GRK3: variants seen among roughly 807,000 people sequenced by gnomAD.
GRK3 encodes the protein adrenergic, beta, receptor kinase 2.
GRK3 carries 54 observed loss-of-function variants against 95.7 expected under a neutral mutation model. That is an observed-to-expected ratio of 0.56 (90% CI 0.45 to 0.71). The LOEUF (loss-of-function observed/expected upper bound fraction) is 0.71. Ranked by LOEUF, GRK3 falls within the 30% of genes least tolerant of loss-of-function variation. The probability of loss-of-function intolerance (pLI) is 0.00; values close to 1 mark genes in which losing one functional copy is unlikely to be tolerated. For missense variants in GRK3, 649 were observed against 851.2 expected, an observed-to-expected ratio of 0.76 and a Z score of 2.96; for synonymous variants, 281 against 290.8, an observed-to-expected ratio of 0.97 and a Z score of 0.34.
At position 25,591,440 on chromosome 22, in the gene GRK3, C is replaced by G. The variant is rs1241146644; in HGVS notation, c.114-12937C>G. ...TGGGTGTTGGTGACAGAACTCAATC[C>G]CCAGCCTCCCTGAGGTCAGGGGATA... On this transcript the variant is annotated intron_variant, in intron 1 of 20. Coordinates refer to ENST00000324198, the MANE Select transcript of GRK3 (RefSeq NM_005160.4). 2.0e-5 allele frequency among the ~76,000 whole-genome samples: 3 copies of G among 151,910 alleles called. No individual in the cohort carries two copies. The East Asian group carries it at 5.8e-4, about 29-fold the overall frequency.
chr22:25,607,206 A>G (rs547246500), intron 2 of GRK3, among the ~76,000 whole-genome samples: 2 of 152,272 alleles, frequency 1.3e-5, no homozygotes, highest in African/African-American at 4.8e-5. Context: ...CAAAGCAGTC[A>G]CAGCGTTTTG....
At chr22:25,592,190 A>AGT (rs1932514927) in intron 1 of GRK3, among the ~76,000 whole-genome samples, 1 of 152,244 alleles carries the variant, frequency 6.6e-6, no homozygotes, top group African/African-American at 2.4e-5. Flanking sequence ...ATAGGTATGT[A>AGT]GTGGAATCTT....
intron 13 of GRK3, among the ~76,000 whole-genome samples, chr22:25,703,274 C>G (rs975218020): frequency 1.3e-5 from 2 of 152,186 alleles, no homozygotes; most frequent in Non-Finnish European, 2.9e-5. Flanking sequence ...TTTAGGGCCA[C>G]AAGTTCACTG....
Position 25,565,364 on chromosome 22 carries a change from C to T in GRK3, c.113+211C>T, listed in dbSNP as rs571260724. 3.3e-5 allele frequency among the ~76,000 whole-genome samples: 5 copies of T among 152,298 alleles called. No individual in the cohort carries two copies. In the East Asian group the frequency reaches 5.8e-4, roughly 18 times the overall value. On this transcript the variant is annotated intron_variant, in intron 1 of 20. Transcript: ENST00000324198. ...GGGGGGCACCCCGGGAGAGAGCGCTCCAAAGTGCCCGGCGCGGCGCCCTGC... is the reference window on the plus strand; with the variant it reads ...GGGGGGCACCCCGGGAGAGAGCGCTTCAAAGTGCCCGGCGCGGCGCCCTGC...
At chr22:25,676,940 C>T (rs1228598585) in intron 8 of GRK3, among the ~76,000 whole-genome samples, 1 of 152,160 alleles carries the variant, frequency 6.6e-6, no homozygotes. Flanking sequence ...CAGTGAACCA[C>T]AAGGTGCACC....
At chr22:25,713,695 T>C (rs1182019572) in intron 17 of GRK3, among the ~76,000 whole-genome samples, 1 of 152,182 alleles carries the variant, frequency 6.6e-6, no homozygotes, top group Non-Finnish European at 1.5e-5. Flanking sequence ...ACCATTTTCT[T>C]TGCTCATATT....
intron 5 of GRK3, among the ~76,000 whole-genome samples, chr22:25,664,090 T>C (rs1043320821): frequency 1.3e-5 from 2 of 152,232 alleles, no homozygotes; most frequent in Non-Finnish European, 2.9e-5. Flanking sequence ...GATTATCCTC[T>C]AGGGGAAATA....
At chr22:25,709,296 C>T (rs1213224165) in intron 15 of GRK3, among the ~76,000 whole-genome samples, 1 of 152,090 alleles carries the variant, frequency 6.6e-6, no homozygotes, top group Non-Finnish European at 1.5e-5. Context: ...CTCAGCCTCC[C>T]AAAGTGCTGG....
intron 20 of GRK3, 70 bp downstream of exon 20, chr22:25,721,467 A>G (rs1235274659): frequency 1.1e-6 from 1 of 879,562 alleles, no homozygotes; most frequent in African/African-American, 1.7e-5. Flanking sequence ...CTGCCTGTCT[A>G]TAAAACATTT....
At chr22:25,717,011 C>T (rs894468723) in intron 18 of GRK3, among the ~76,000 whole-genome samples, 9 of 152,180 alleles carry the variant, frequency 5.9e-5, no homozygotes, top group Admixed American at 5.9e-4. Context: ...AACCATTCCC[C>T]CATCCCCGTC....
intron 2 of GRK3, among the ~76,000 whole-genome samples, chr22:25,620,621 G>A (rs1453801743): frequency 6.6e-6 from 1 of 152,044 alleles, no homozygotes; most frequent in Non-Finnish European, 1.5e-5. Flanking sequence ...CAGTGGAGAC[G>A]CCCCACTAGC....
chr22:25,598,495 G>T (rs900986009), intron 1 of GRK3, among the ~76,000 whole-genome samples: 1 of 151,690 alleles, frequency 6.6e-6, no homozygotes, highest in African/African-American at 2.4e-5. Flanking sequence ...AACATGGTGA[G>T]ACCCTGTCTC....
chr22:25,623,268 T>C (rs1028794819), intron 2 of GRK3, among the ~76,000 whole-genome samples: 12 of 152,216 alleles, frequency 7.9e-5, no homozygotes, highest in African/African-American at 2.9e-4. Flanking sequence ...TTCAAAACTA[T>C]AGAAGGAGAG....
At chr22:25,634,063 G>A (rs1178486089) in intron 2 of GRK3, among the ~76,000 whole-genome samples, 2 of 151,770 alleles carry the variant, frequency 1.3e-5, no homozygotes. Flanking sequence ...TATTAGTTAT[G>A]TTTGTATTTT....
intron 1 of GRK3, among the ~76,000 whole-genome samples, chr22:25,570,043 C>A (rs973536763): frequency 2.6e-5 from 4 of 152,170 alleles, no homozygotes; most frequent in African/African-American, 9.7e-5. Context: ...AACTCCCTCG[C>A]GTCTTATTTT....
chr22:25,638,339 A>G (rs1368320419), intron 2 of GRK3, among the ~76,000 whole-genome samples: 3 of 152,234 alleles, frequency 2.0e-5, no homozygotes, highest in Non-Finnish European at 4.4e-5. Flanking sequence ...TGATAAAGGG[A>G]CAAGAAGTGG....
At chr22:25,632,321 T>A (rs995700731) in intron 2 of GRK3, among the ~76,000 whole-genome samples, 1 of 152,254 alleles carries the variant, frequency 6.6e-6, no homozygotes, top group South Asian at 2.1e-4. Flanking sequence ...ATGTGCTCAG[T>A]TGACATTTAT....
At chr22:25,656,089 T>A (rs983507195) in intron 3 of GRK3, among the ~76,000 whole-genome samples, 1 of 152,154 alleles carries the variant, frequency 6.6e-6, no homozygotes, top group Non-Finnish European at 1.5e-5. Flanking sequence ...ACCTGTCTTG[T>A]AGGGTGGTTG....
intron 6 of GRK3, among the ~76,000 whole-genome samples, chr22:25,670,389 C>T (rs762020973): frequency 1.3e-5 from 2 of 151,852 alleles, no homozygotes; most frequent in Non-Finnish European, 2.9e-5. Flanking sequence ...TAGTCCTAGC[C>T]ACTTGGGGGG....
Sources: allele counts gnomAD v4.1 joint callset (sites outside exome capture counted in the v4.1 genomes callset), GRCh38; gene constraint gnomAD v4.1.1; transcripts MANE v1.5; gene names NCBI Gene and HGNC (gene_info 2026-07-23, HGNC 2026-07-21).